The following GARNL3 variants were observed in gnomAD, a reference collection of about 807,000 sequenced individuals.
GARNL3 encodes the protein GTPase activating Rap/RanGAP domain like 3, also known as GTPase-activating Rap/Ran-GAP domain-like protein 3.
A neutral mutation model predicts 125.0 loss-of-function variants in GARNL3; 63 were observed. The ratio of observed to expected loss-of-function variants is 0.50; its 90% CI spans 0.41 to 0.62. The LOEUF is 0.62. Ranked by LOEUF, GARNL3 falls within the 20% of genes least tolerant of loss-of-function variation. The pLI is 0.00. For synonymous variants in GARNL3, 439 were observed against 457.5 expected, an observed-to-expected ratio of 0.96 and a Z score of 0.52; for missense variants, 994 against 1,244.0, an observed-to-expected ratio of 0.80 and a Z score of 3.02.
chr9:127,305,502 C>T (rs978920723), intron 2 of GARNL3, among the ~76,000 whole-genome samples: 18 of 152,106 alleles, frequency 1.2e-4, no homozygotes, highest in African/African-American at 4.3e-4. Flanking sequence ...GTTATTTCCC[C>T]TGTGTTTTGG....
intron 1 of GARNL3, among the ~76,000 whole-genome samples, chr9:127,232,787 C>T (rs919977553): frequency 6.6e-6 from 1 of 152,216 alleles, no homozygotes; most frequent in Non-Finnish European, 1.5e-5. Context: ...TGAATAATGA[C>T]ATTAGTAGTC....
intron 2 of GARNL3, among the ~76,000 whole-genome samples, chr9:127,311,298 A>T (rs988269503): frequency 6.6e-6 from 1 of 151,916 alleles, no homozygotes; most frequent in African/African-American, 2.4e-5. Context: ...TGTGCCTGTT[A>T]CAGGGGTAAC....
At chr9:127,238,704 C>T (rs2063153251) in intron 1 of GARNL3, among the ~76,000 whole-genome samples, 1 of 152,088 alleles carries the variant, frequency 6.6e-6, no homozygotes, top group Non-Finnish European at 1.5e-5. Flanking sequence ...CTGCCTATTG[C>T]AGTATTGGAC....
At chr9:127,230,057 A>G (rs1015782116) in intron 1 of GARNL3, among the ~76,000 whole-genome samples, 1 of 152,228 alleles carries the variant, frequency 6.6e-6, no homozygotes, top group Non-Finnish European at 1.5e-5. Context: ...GCAGTAGAAT[A>G]AGACACTTAT....
intron 7 of GARNL3, among the ~76,000 whole-genome samples, chr9:127,329,419 G>C (rs187631009): frequency 4.7e-4 from 71 of 152,226 alleles, no homozygotes; most frequent in African/African-American, 1.6e-3. Flanking sequence ...TGGGTGCACA[G>C]GTACTTAAAA....
rs2063526719 is a variant in GARNL3, at chr9:127,258,318, AG to A, written c.144-6632del. Among the ~76,000 whole-genome samples, 3 of 152,146 alleles carry A rather than the reference AG, an allele frequency of 2.0e-5. No homozygotes were observed. The South Asian group carries it at 6.2e-4, about 32-fold the overall frequency. ...TTCGTATGTCTCAAAGGTCTTCAAG[AG>A]GACAGAATTGTTCCATTTCATTATT... On this transcript the variant is annotated intron_variant, in intron 2 of 10. Coordinates refer to the GARNL3 transcript ENST00000439286.
intron 1 of GARNL3, among the ~76,000 whole-genome samples, chr9:127,230,608 G>A (rs568662411): frequency 1.0e-4 from 15 of 148,898 alleles, no homozygotes; most frequent in Admixed American, 3.4e-4. Context: ...AGCCAAGATC[G>A]CACCATTGCA....
chr9:127,236,649 A>G (rs2063117932), intron 1 of GARNL3, among the ~76,000 whole-genome samples: 1 of 151,356 alleles, frequency 6.6e-6, no homozygotes, highest in Non-Finnish European at 1.5e-5. Flanking sequence ...CTGGTCTTGA[A>G]CTCCTGGCCT....
intron 1 of GARNL3, among the ~76,000 whole-genome samples, chr9:127,265,640 A>G (rs2063687982): frequency 6.6e-6 from 1 of 152,218 alleles, no homozygotes; most frequent in Non-Finnish European, 1.5e-5. Flanking sequence ...AATAGTCTCA[A>G]TATTTTTTAA....
chr9:127,249,858 A>C (rs1252909499), intron 2 of GARNL3, among the ~76,000 whole-genome samples: 1 of 152,040 alleles, frequency 6.6e-6, no homozygotes, highest in East Asian at 1.9e-4. Context: ...AAATACAAAA[A>C]ATTAGCCAGA....
intron 1 of GARNL3, among the ~76,000 whole-genome samples, chr9:127,289,201 C>T (rs1341216983): frequency 2.6e-5 from 4 of 152,148 alleles, no homozygotes; most frequent in East Asian, 1.9e-4. Context: ...TAAAATTGGC[C>T]TCTGTAAAGT....
chr9:127,340,594 C>G (rs1829811491), intron 13 of GARNL3, among the ~76,000 whole-genome samples: 2 of 151,014 alleles, frequency 1.3e-5, no homozygotes, highest in Admixed American at 6.6e-5. Flanking sequence ...CCACTACAGT[C>G]TTTGCCTAAG....
chr9:127,293,574 T>C (rs1461183997), intron 2 of GARNL3, among the ~76,000 whole-genome samples: 1 of 152,208 alleles, frequency 6.6e-6, no homozygotes, highest in Non-Finnish European at 1.5e-5. Flanking sequence ...TAGTTTACTG[T>C]TCCCTTGAGA....
chr9:127,318,142 G>A lies in GARNL3; in HGVS notation c.503+15G>A, dbSNP rs760915417. On this transcript the variant is annotated intron_variant, in intron 5 of 27. Transcript: ENST00000373387. ...TCCATCTTAAGGTGAGTTCTAATGG[G>A]TAGAAACCCCACACATGGATTTGGA... is the stretch of plus-strand genomic sequence containing the variant. The A allele has an allele frequency of 6.6e-7, 1 of 1,503,934 alleles. No homozygotes were observed. Among genetic ancestry groups the A allele is most frequent in the South Asian group, 1.1e-5 (1 of 88,750 alleles). 93.2% of individuals were successfully genotyped at this position (1,503,934 alleles called of 1,614,324 possible). A position where few individuals can be genotyped will look rare whatever the true frequency, so the allele number is the denominator to read the frequency against.
At chr9:127,317,609 C>T (rs551103350) in intron 4 of GARNL3, among the ~76,000 whole-genome samples, 2 of 151,942 alleles carry the variant, frequency 1.3e-5, no homozygotes, top group Non-Finnish European at 2.9e-5. Flanking sequence ...CCCAGCTACT[C>T]GGGAGGCTGA....
In GARNL3 at chr9:127,313,440, G is replaced by A; in HGVS notation, c.320-1G>A. ...CACTGTTCTAAACCTTTCTTTTCCA[G>A]TCCATCAGAACTACATTGGAAACGA... On this transcript the variant is annotated splice_acceptor_variant, in intron 3 of 27. Coordinates refer to ENST00000373387, the MANE Select transcript of GARNL3 (RefSeq NM_032293.5). LOFTEE classifies it high-confidence loss of function. 6.2e-7 allele frequency: 1 copy of A among 1,607,546 alleles called. No individual in the cohort carries two copies. The highest frequency in any genetic ancestry group is 8.5e-7 in the Non-Finnish European group (1 of 1,174,082).
intron 16 of GARNL3, among the ~76,000 whole-genome samples, chr9:127,347,440 A>C (rs1830202141): frequency 6.6e-6 from 1 of 152,136 alleles, no homozygotes; most frequent in Non-Finnish European, 1.5e-5. Context: ...ATTTAAAAAA[A>C]GGTAAAATGG....
At chr9:127,346,174 C>T (rs78395273) in intron 16 of GARNL3, among the ~76,000 whole-genome samples, 1 of 152,140 alleles carries the variant, frequency 6.6e-6, no homozygotes, top group East Asian at 1.9e-4. Context: ...GACAAAAATA[C>T]ACAAATTATA....
intron 21 of GARNL3, among the ~76,000 whole-genome samples, chr9:127,361,279 G>C (rs867739230): frequency 5.2e-4 from 79 of 152,004 alleles, no homozygotes; most frequent in African/African-American, 1.7e-3. Flanking sequence ...TTAAGAGAGA[G>C]AGAGAGAGAG....
Sources: gnomAD v4.1 joint callset for allele counts (sites outside exome capture counted in the v4.1 genomes callset) on GRCh38, gnomAD v4.1.1 for gene constraint, MANE v1.5 for transcripts, NCBI Gene and HGNC (gene_info 2026-07-23, HGNC 2026-07-21) for gene names.